Variants in SLC7A7 observed in about 807,000 individuals in gnomAD.
SLC7A7 encodes the protein Y+L amino acid transporter 1.
In SLC7A7, 39 loss-of-function variants were observed where a neutral mutation model predicts 47.9. That is an observed-to-expected ratio of 0.81 (90% confidence interval 0.63 to 1.06). The LOEUF is 1.06. Ranked by LOEUF, SLC7A7 falls within the 50% of genes least tolerant of loss-of-function variation. The pLI, the probability that SLC7A7 is intolerant of heterozygous loss-of-function variation, is 0.00. For synonymous variants in SLC7A7, 234 were observed against 242.8 expected (o/e 0.96, Z 0.34); for missense variants, 588 against 632.0 (o/e 0.93, Z 0.75).
At chr14:22,805,852 TA>T (rs2039192722) in intron 2 of SLC7A7, among the ~76,000 whole-genome samples, 1 of 152,010 alleles carries the variant, frequency 6.6e-6, no homozygotes, top group South Asian at 2.1e-4. Flanking sequence ...AAACTGTACA[TA>T]CATCAAAGGC....
chr14:22,790,386 A>T (rs1413031919), intron 2 of SLC7A7, among the ~76,000 whole-genome samples: 4 of 150,214 alleles, frequency 2.7e-5, no homozygotes, highest in Non-Finnish European at 4.4e-5. Context: ...TGGAAGTAGC[A>T]CTGGGTGGTA....
chr14:22,773,649 T>TC lies in SLC7A7; in HGVS notation c.1496dup (p.Gly500ArgfsTer12), dbSNP rs1566438393. ...GATCCCGTTGCTTGGGCATCTCTCC[T>TC]CCATCTTCCAAATCCATTTCTGCAG... On this transcript the variant is annotated frameshift_variant, in exon 10 of 10. Coordinates refer to ENST00000674313, the MANE Select transcript of SLC7A7 (RefSeq NM_003982.4). LOFTEE classifies it high-confidence loss of function. 6.2e-7 allele frequency: 1 copy of TC among 1,614,144 alleles called. No homozygotes were observed. The highest frequency in any genetic ancestry group is 1.1e-5 in the South Asian group (1 of 91,088).
At chr14:22,797,663 TG>T (rs1354334006) in intron 2 of SLC7A7, among the ~76,000 whole-genome samples, 1 of 149,492 alleles carries the variant, frequency 6.7e-6, no homozygotes, top group South Asian at 2.1e-4. Flanking sequence ...GCTGCTGGGG[TG>T]GGGGAGGGGA....
At chr14:22,775,154 C>T (rs2038575067) in intron 7 of SLC7A7, among the ~76,000 whole-genome samples, 1 of 152,076 alleles carries the variant, frequency 6.6e-6, no homozygotes, top group Non-Finnish European at 1.5e-5. Flanking sequence ...GTGATCGTTT[C>T]TTCTCTTAAA....
chr14:22,819,432 A>G (rs1318802048), upstream of SLC7A7, among the ~76,000 whole-genome samples: 1 of 151,456 alleles, frequency 6.6e-6, no homozygotes, highest in Non-Finnish European at 1.5e-5. Context: ...AAAAAGTGAA[A>G]CAAAAAAGAA....
chr14:22,774,033 G>A lies in SLC7A7; in HGVS notation c.1329C>T (p.Ser443=), dbSNP rs1363447141. The change falls in exon 9 of 10, where the codon TCC becomes TCT. Residue 443 remains serine (S), a synonymous_variant. Coordinates refer to ENST00000674313, the MANE Select transcript of SLC7A7 (RefSeq NM_003982.4). ...AVPLYSDTIN[S]LIGIAIALSG... is the part of the protein sequence containing the mutation. Reference sequence around the variant, plus strand: ...AGAGGGCAATGGCAATGCCGATGAGGGAGTTGATAGTATCACTGTAAAGTG... The same window carrying A: ...AGAGGGCAATGGCAATGCCGATGAGAGAGTTGATAGTATCACTGTAAAGTG... 2.5e-6 allele frequency: 4 copies of A among 1,614,084 alleles called. No individual in the cohort carries two copies. Among genetic ancestry groups the A allele is most frequent in the East Asian group, 4.5e-5 (2 of 44,892 alleles).
intron 2 of SLC7A7, among the ~76,000 whole-genome samples, chr14:22,787,876 A>T (rs990003888): frequency 2.6e-5 from 4 of 152,066 alleles, no homozygotes; most frequent in Admixed American, 1.3e-4. Context: ...GATCGAGACC[A>T]TCCTGGCTAA....
chr14:22,780,925 T>C (rs1421144025), intron 2 of SLC7A7, among the ~76,000 whole-genome samples: 1 of 152,136 alleles, frequency 6.6e-6, no homozygotes, highest in East Asian at 1.9e-4. Context: ...AATCTACGAC[T>C]TGAATTTGAA....
upstream of SLC7A7, chr14:22,815,773 A>G (rs1403064518): frequency 2.3e-6 from 1 of 433,250 alleles, no homozygotes; most frequent in South Asian, 1.6e-5. Context: ...GAAGGAATAC[A>G]CAGCACTCTC....
At chr14:22,815,610 C>T, upstream of SLC7A7, 1 of 454,076 alleles carries the variant, frequency 2.2e-6, no homozygotes, top group Non-Finnish European at 4.4e-6. Context: ...TCAGCACTTT[C>T]TGTGATAAGA....
Position 22,774,093 on chromosome 14 carries a change from G to A in SLC7A7, c.1269C>T (p.Val423=), listed in dbSNP as rs2038541659. 2 of 1,614,068 alleles carry A rather than the reference G, an allele frequency of 1.2e-6. No homozygotes were observed. The highest frequency in any genetic ancestry group is 1.3e-5 in the African/African-American group (1 of 74,932). Residue 423 remains valine, a synonymous_variant, in exon 9 of 10, where the codon GTC becomes GTT. Transcript: ENST00000674313. ...PLKLSVFFPI[V]FCLCTIFLVA... ...CCAGGAAGATGGTGCAGAGGCAGAA[G>A]ACAATCGGGAAGAAAACGCTGAGCT...
intron 2 of SLC7A7, among the ~76,000 whole-genome samples, chr14:22,795,076 C>A (rs368678582): frequency 1.0e-5 from 1 of 97,606 alleles, no homozygotes; most frequent in African/African-American, 4.0e-5. Context: ...TTCTTTCTTT[C>A]TTTTTTTTTT....
At chr14:22,773,815 A>G in intron 9 of SLC7A7, 99 bp from the exon 10 acceptor site, 1 of 1,546,522 alleles carries the variant, frequency 6.5e-7, no homozygotes, top group Non-Finnish European at 8.9e-7. Flanking sequence ...GATTCCACTA[A>G]GCCGAAGGGT....
At chr14:22,779,809 G>T (rs2038683503) in intron 3 of SLC7A7, 117 bp downstream of exon 3, 5 of 966,670 alleles carry the variant, frequency 5.2e-6, no homozygotes, top group African/African-American at 1.6e-5. Context: ...AATAATAATA[G>T]TGCCCACCGA....
At chr14:22,786,267 G>A (rs919625079) in intron 2 of SLC7A7, among the ~76,000 whole-genome samples, 3 of 151,978 alleles carry the variant, frequency 2.0e-5, no homozygotes, top group East Asian at 1.9e-4. Flanking sequence ...GCAGTGGGCC[G>A]AGATCACGGC....
rs117243632 is a variant in SLC7A7, at chr14:22,784,939, T to C, written c.500-4888A>G. On this transcript the variant is annotated intron_variant, in intron 2 of 9. Coordinates refer to ENST00000674313, the MANE Select transcript of SLC7A7 (RefSeq NM_003982.4). The stretch of plus-strand genomic sequence containing the variant: ...CACACAATGTAACACACAAAACTTA[T>C]GATTACAGGCGTGAACCACCATGCC... Among the ~76,000 whole-genome samples, 612 of 152,318 alleles carry C rather than the reference T, an allele frequency of 4.0e-3. 3 individuals carry two copies. The highest frequency in any genetic ancestry group is 6.4e-3 in the Non-Finnish European group (436 of 68,026).
Position 22,774,112 on chromosome 14 carries a change from C to T in SLC7A7, c.1250G>A (p.Ser417Asn). ...GCAGAAGACAATCGGGAAGAAAACG[C>T]TGAGCTAAGGGCACAGGAAACATAA... ...EPDRPRPLKLSVFFPIVFCLC... is the reference protein window; with the variant it reads ...EPDRPRPLKLNVFFPIVFCLC... Residue 417 changes from serine (S) to asparagine (N), a missense_variant, in exon 9 of 10, where the codon AGC (serine) becomes AAC (asparagine). Coordinates refer to ENST00000674313, the MANE Select transcript of SLC7A7 (RefSeq NM_003982.4). 2.5e-6 allele frequency: 4 copies of T among 1,614,146 alleles called. No individual in the cohort carries two copies. The highest frequency in any genetic ancestry group is 2.2e-5 in the East Asian group (1 of 44,888).
chr14:22,815,558 G>A (rs1367497552), upstream of SLC7A7: 1 of 454,140 alleles, frequency 2.2e-6, no homozygotes, highest in Non-Finnish European at 4.4e-6. Context: ...AAGGTTCACT[G>A]GCCCTTCACA....
chr14:22,799,975 A>AT (rs2039084378), intron 2 of SLC7A7, among the ~76,000 whole-genome samples: 1 of 152,100 alleles, frequency 6.6e-6, no homozygotes, highest in Non-Finnish European at 1.5e-5. Flanking sequence ...CCATCCACCC[A>AT]TTTATGCAAG....
Sources: gnomAD v4.1 joint callset for allele counts (sites outside exome capture counted in the v4.1 genomes callset) on GRCh38, gnomAD v4.1.1 for gene constraint, MANE v1.5 for transcripts, NCBI Gene and HGNC (gene_info 2026-07-23, HGNC 2026-07-21) for gene names.